STK32B: variants seen among roughly 807,000 people sequenced by gnomAD.
The protein encoded by STK32B is serine/threonine kinase 32B.
Under a neutral mutation model 52.6 loss-of-function variants are expected in STK32B, and 43 were observed. That is an observed-to-expected ratio of 0.82 (90% CI 0.64 to 1.05). STK32B has a LOEUF of 1.05. STK32B is among the 50% of genes least tolerant of loss of function. The probability of loss-of-function intolerance (pLI) is 0.00; values close to 1 mark genes in which losing one functional copy is unlikely to be tolerated. For synonymous variants in STK32B, 238 were observed against 204.3 expected, an observed-to-expected ratio of 1.17 and a Z score of -1.41; for missense variants, 621 against 534.6, an observed-to-expected ratio of 1.16 and a Z score of -1.59.
the STK32B span, among the ~76,000 whole-genome samples, chr4:5,030,891 A>G: frequency 6.6e-6 from 1 of 152,212 alleles, no homozygotes; most frequent in Non-Finnish European, 1.5e-5. Flanking sequence ...ACACATGCAC[A>G]CACACACACA....
In STK32B at chr4:5,105,632, T is replaced by C. The variant is rs555119130; in HGVS notation, c.53-34273T>C. On this transcript the variant is annotated intron_variant, in intron 1 of 11. Transcript: ENST00000282908. ...AGGCTGGAGTGTAGTGGCGGGATCT[T>C]GGCTCACTGCAAGCTCCGCCTCCCG... Among the ~76,000 whole-genome samples the C allele has an allele frequency of 5.3e-4, 81 of 152,060 alleles. 1 individual carries two copies. The South Asian group carries it at 9.8e-3, about 18-fold the overall frequency.
chr4:5,414,950 C>T (rs1712034013), intron 5 of STK32B, among the ~76,000 whole-genome samples: 1 of 152,238 alleles, frequency 6.6e-6, no homozygotes, highest in African/African-American at 2.4e-5. Context: ...TTGAAGGCTT[C>T]ATAGTCCTCT....
rs552638905 is a variant in STK32B, at chr4:5,120,159, G to A, written c.53-19746G>A. ...AGTGGATCCACGCTATAGACACTGC[G>A]CCAATGACACTGGTAATCATTGACG... On this transcript the variant is annotated intron_variant, in intron 1 of 11. Transcript: ENST00000282908. 1.8e-4 allele frequency among the ~76,000 whole-genome samples: 28 copies of A among 152,264 alleles called. 1 individual carries two copies. In the South Asian group the frequency reaches 5.2e-3, roughly 28 times the overall value.
In STK32B at chr4:5,180,396, C is replaced by T. The variant is rs367555981; in HGVS notation, c.260+11946C>T. Among the ~76,000 whole-genome samples the T allele has an allele frequency of 9.8e-5, 15 of 152,304 alleles. No individual in the cohort carries two copies. The East Asian group carries it at 1.2e-3, about 12-fold the overall frequency. ...CTACCCTTATCCTACCATTTTTGGT[C>T]CCATTTTACAGGTGGGACAACTGAG... On this transcript the variant is annotated intron_variant, in intron 3 of 11. Transcript: ENST00000282908.
At chr4:5,442,964 C>T (rs558507015) in intron 6 of STK32B, among the ~76,000 whole-genome samples, 13 of 151,732 alleles carry the variant, frequency 8.6e-5, no homozygotes, top group Non-Finnish European at 1.8e-4. Context: ...GGGTGTCTGC[C>T]GAGAGATCCG....
At chr4:5,148,182 C>T (rs11943843) in intron 2 of STK32B, among the ~76,000 whole-genome samples, 72,179 of 151,510 alleles carry the variant, frequency 0.48, 19,014 homozygotes, top group African/African-American at 0.69. Context: ...TTTGTTGGCA[C>T]AAAGTAATTC....
At chr4:5,270,107 C>G (rs1299360550) in intron 3 of STK32B, among the ~76,000 whole-genome samples, 1 of 152,160 alleles carries the variant, frequency 6.6e-6, no homozygotes, top group African/African-American at 2.4e-5. Flanking sequence ...GGATCTTCCT[C>G]AACCCAGTTT....
intron 11 of STK32B, among the ~76,000 whole-genome samples, chr4:5,478,747 T>C (rs964760919): frequency 1.3e-4 from 20 of 152,218 alleles, no homozygotes; most frequent in Non-Finnish European, 1.9e-4. Flanking sequence ...AAGGTGTTAC[T>C]CCCCGGAGGC....
chr4:5,267,606 A>G (rs943875690), intron 3 of STK32B, among the ~76,000 whole-genome samples: 3 of 152,200 alleles, frequency 2.0e-5, no homozygotes, highest in Non-Finnish European at 4.4e-5. Context: ...TCTGGCACAC[A>G]GTAAGTCAGT....
intron 4 of STK32B, among the ~76,000 whole-genome samples, chr4:5,353,692 T>C (rs1187577660): frequency 6.6e-6 from 1 of 152,120 alleles, no homozygotes; most frequent in African/African-American, 2.4e-5. Context: ...CAAGAAGATA[T>C]TATCTTACCC....
chr4:5,343,362 G>A (rs1273816691), intron 4 of STK32B, among the ~76,000 whole-genome samples: 1 of 152,064 alleles, frequency 6.6e-6, no homozygotes, highest in African/African-American at 2.4e-5. Flanking sequence ...TTGGACATTT[G>A]GGTTGGTTCA....
rs993406238 is a variant in STK32B at position 5,396,914 on chromosome 4, G to A, written c.435-1293G>A. Reference sequence around the variant, plus strand: ...TCATCCCTCCCATGTGGCTCCCTACGGGTCTCTGCGGTAATCTCTTTGTTC... The same window carrying A: ...TCATCCCTCCCATGTGGCTCCCTACAGGTCTCTGCGGTAATCTCTTTGTTC... On this transcript the variant is annotated intron_variant, in intron 4 of 11. Coordinates refer to ENST00000282908, the MANE Select transcript of STK32B (RefSeq NM_018401.3). This position sits in a 1 kb window ranked among gnomAD's most constrained non-coding sequence, Gnocchi z 4.7. 6.6e-6 allele frequency among the ~76,000 whole-genome samples: 1 copy of A among 152,146 alleles called. No individual in the cohort carries two copies. Among genetic ancestry groups the A allele is most frequent in the Non-Finnish European group, 1.5e-5 (1 of 68,030 alleles).
chr4:5,249,029 T>TAACAAACC (rs1265397004), intron 3 of STK32B, among the ~76,000 whole-genome samples: 1 of 152,102 alleles, frequency 6.6e-6, no homozygotes, highest in Non-Finnish European at 1.5e-5. Flanking sequence ...TATACATATG[T>TAACAAACC]AACAAACCTG....
chr4:5,127,664 G>C (rs1441169964), intron 1 of STK32B, among the ~76,000 whole-genome samples: 1 of 152,172 alleles, frequency 6.6e-6, no homozygotes. Flanking sequence ...GACACATAAA[G>C]GGGAAGGCCA....
intron 4 of STK32B, among the ~76,000 whole-genome samples, chr4:5,388,230 T>A (rs1227494675): frequency 6.6e-6 from 1 of 152,336 alleles, no homozygotes; most frequent in Admixed American, 6.5e-5. Flanking sequence ...ATGGTCATCA[T>A]CATTTTGGCG....
chr4:5,274,215 C>A (rs572512520), intron 3 of STK32B, among the ~76,000 whole-genome samples: 3 of 152,230 alleles, frequency 2.0e-5, no homozygotes, highest in African/African-American at 7.2e-5. Context: ...ACAAAATTAA[C>A]CACTTAATTT....
At chr4:5,485,157 T>A (rs1459978402) in intron 11 of STK32B, among the ~76,000 whole-genome samples, 1 of 152,112 alleles carries the variant, frequency 6.6e-6, no homozygotes. Flanking sequence ...CTGAAGAAGT[T>A]CTCCTGGATA....
In STK32B at chr4:5,331,314, A is replaced by T; in HGVS notation, c.355A>T (p.Thr119Ser). The change falls in exon 4 of 12, where the codon ACA becomes TCA. Residue 119 changes from threonine (T) to serine (S), a missense_variant. By Grantham distance (58) the Thr-to-Ser change is moderately conservative. Transcript: ENST00000282908. Reference sequence around the variant, plus strand: ...CCATCTGCAGCAGAATGTGCATTTCACAGAGGGGACTGTGAAACTCTACAT... The same window carrying T: ...CCATCTGCAGCAGAATGTGCATTTCTCAGAGGGGACTGTGAAACTCTACAT... ...RYHLQQNVHF[T>S]EGTVKLYICE... is the part of the protein sequence containing the mutation. 1 of 1,613,938 alleles carries T rather than the reference A, an allele frequency of 6.2e-7. No homozygotes were observed.
rs527822623 is a variant in STK32B, at chr4:5,371,941, A to G, written c.435-26266A>G. ...ACCCCATGGGGCTGAAAGCACCTCC[A>G]TGCAGAACACACACAGGTGACTGCA... On this transcript the variant is annotated intron_variant, in intron 4 of 11. Coordinates refer to ENST00000282908, the MANE Select transcript of STK32B (RefSeq NM_018401.3). 1.7e-3 allele frequency among the ~76,000 whole-genome samples: 261 copies of G among 152,322 alleles called. 1 individual carries two copies. The highest frequency in any genetic ancestry group is 5.1e-3 in the African/African-American group (213 of 41,576).
Sources: allele counts gnomAD v4.1 joint callset (sites outside exome capture counted in the v4.1 genomes callset), GRCh38; gene constraint gnomAD v4.1.1; non-coding constraint Gnocchi (gnomAD v3.1); transcripts MANE v1.5; gene names NCBI Gene and HGNC (gene_info 2026-07-23, HGNC 2026-07-21).